The following MYL6 variants were observed in gnomAD, a reference collection of about 807,000 sequenced individuals.
MYL6 encodes the protein myosin light polypeptide 6.
Under a neutral mutation model 20.3 loss-of-function variants are expected in MYL6, and 20 were observed. The observed-to-expected ratio is 0.98, with a 90% CI of 0.69 to 1.43. The LOEUF (loss-of-function observed/expected upper bound fraction) is 1.43. Ranked by LOEUF, MYL6 falls within the 40% of genes most tolerant of loss-of-function variation. The probability of loss-of-function intolerance (pLI) is 0.00; values close to 1 mark genes in which losing one functional copy is unlikely to be tolerated. For missense variants in MYL6, 164 were observed against 191.0 expected, an observed-to-expected ratio of 0.86 and a Z score of 0.83; for synonymous variants, 77 against 72.4, an observed-to-expected ratio of 1.06 and a Z score of -0.32.
chr12:56,160,031 G>C lies in MYL6; in HGVS notation c.232G>C (p.Ala78Pro). The C allele has an allele frequency of 6.2e-7, 1 of 1,614,096 alleles. No homozygotes were observed. Among genetic ancestry groups the C allele is most frequent in the South Asian group, 1.1e-5 (1 of 91,076 alleles). Residue 78 changes from alanine to proline, a missense_variant, in exon 4 of 7, where the codon GCC (alanine) becomes CCC (proline). Physicochemically the swap from Ala to Pro is conservative, Grantham distance 27. Transcript: ENST00000550697. ...CTTTCTGCCCATGCTGCAGACAGTGGCCAAGAACAAGGACCAGGGCACCTA... is the reference window on the plus strand; with the variant it reads ...CTTTCTGCCCATGCTGCAGACAGTGCCCAAGAACAAGGACCAGGGCACCTA... ...EHFLPMLQTVAKNKDQGTYED... is the reference protein window; with the variant it reads ...EHFLPMLQTVPKNKDQGTYED...
At chr12:56,159,449 T>C in intron 2 of MYL6, 138 bp from the exon 3 acceptor site, 1 of 1,179,164 alleles carries the variant, frequency 8.5e-7, no homozygotes, top group Non-Finnish European at 1.2e-6. Context: ...TAGAGCCCTC[T>C]TAAGTAGACT....
In MYL6 at chr12:56,160,158, T is replaced by C. The variant is rs765622644; in HGVS notation, c.349+10T>C. The C allele has an allele frequency of 1.9e-6, 3 of 1,613,760 alleles. No homozygotes were observed. Among genetic ancestry groups the C allele is most frequent in the African/African-American group, 2.7e-5 (2 of 74,952 alleles). On this transcript the variant is annotated intron_variant, in intron 4 of 6. Transcript: ENST00000550697. ...GTTCTTGTCACACTGGGTAAGGTTC[T>C]GTGTCCTTGTCCTTGAGCTGAGATG... is the stretch of plus-strand genomic sequence containing the variant.
chr12:56,159,024 C>CTAAA, intron 2 of MYL6: 1 of 1,010,164 alleles, frequency 9.9e-7, no homozygotes, highest in Non-Finnish European at 1.3e-6. Flanking sequence ...TTCCTTTGTC[C>CTAAA]TTTAATCAGC....
At chr12:56,161,192 C>T (rs1243316998) in intron 6 of MYL6, 195 bp from the exon 7 acceptor site, 13 of 648,474 alleles carry the variant, frequency 2.0e-5, no homozygotes, top group Non-Finnish European at 3.6e-5. Context: ...GGGGGACTAA[C>T]AGCTGCTGGG....
chr12:56,158,875 T>G, intron 2 of MYL6, 164 bp downstream of exon 2: 1 of 1,462,278 alleles, frequency 6.8e-7, no homozygotes. Flanking sequence ...TTTTCTCACT[T>G]TCTTCCTCCC....
At chr12:56,159,455 A>G in intron 2 of MYL6, 132 bp from the exon 3 acceptor site, 1 of 1,224,876 alleles carries the variant, frequency 8.2e-7, no homozygotes, top group Non-Finnish European at 1.1e-6. Flanking sequence ...CCTCTTAAGT[A>G]GACTTTGGTG....
chr12:56,161,450 C>T lies in MYL6; in HGVS notation c.*80C>T, dbSNP rs762903906. ...CAGTCTCCCCAGAGTCCGTGCCTTT[C>T]CCTGTGTGAATTTTGTATCTAGCCT... On this transcript the variant is annotated 3_prime_UTR_variant, in exon 7 of 7. Transcript: ENST00000550697. The T allele has an allele frequency of 1.2e-5, 20 of 1,612,780 alleles. No homozygotes were observed. In the East Asian group the frequency reaches 1.6e-4, roughly 13 times the overall value.
chr12:56,159,813 C>T, intron 3 of MYL6, 83 bp downstream of exon 3: 1 of 1,544,474 alleles, frequency 6.5e-7, no homozygotes, highest in South Asian at 1.2e-5. Flanking sequence ...TCTTCATAGG[C>T]CCCAAACTCA....
intron 5 of MYL6, 127 bp downstream of exon 5, chr12:56,160,447 T>TGCCCA (rs1239872007): frequency 8.2e-6 from 12 of 1,467,488 alleles, no homozygotes; most frequent in East Asian, 4.5e-5. Flanking sequence ...TGCAGGGCCC[T>TGCCCA]GCCCAGCCCA....
intron 2 of MYL6, 94 bp downstream of exon 2, chr12:56,158,805 T>A: frequency 1.3e-6 from 2 of 1,582,372 alleles, no homozygotes; most frequent in Non-Finnish European, 1.7e-6. Flanking sequence ...GTCATCTCTT[T>A]AGCACCCCCA....
rs1871615102 is a variant in MYL6 at position 56,159,893 on chromosome 12, T to C, written c.176-82T>C. On this transcript the variant is annotated intron_variant, in intron 3 of 6. Transcript: ENST00000550697. ...TGGGGAGTCATCTGTCATCTCTCTG[T>C]TCAGTTGAGGTCTCTATAATCCCCT... The C allele has an allele frequency of 3.3e-6, 5 of 1,535,236 alleles. No individual in the cohort carries two copies. In the Admixed American group the frequency reaches 8.3e-5, roughly 26 times the overall value.
chr12:56,160,569 C>T (rs1871706684), intron 5 of MYL6, 57 bp from the exon 6 acceptor site: 5 of 1,583,328 alleles, frequency 3.2e-6, no homozygotes, highest in African/African-American at 1.3e-5. Flanking sequence ...CACTGCCTGA[C>T]CCCTCACCCC....
At chr12:56,159,798 C>T (rs1373086614) in intron 3 of MYL6, 68 bp downstream of exon 3, 1 of 1,560,786 alleles carries the variant, frequency 6.4e-7, no homozygotes, top group African/African-American at 1.4e-5. Context: ...AAGAGCTTCC[C>T]TTTATCTTCA....
chr12:56,160,552 C>G, intron 5 of MYL6, 74 bp from the exon 6 acceptor site: 1 of 1,513,482 alleles, frequency 6.6e-7, no homozygotes, highest in Middle Eastern at 1.7e-4. Flanking sequence ...AATGGAATGT[C>G]TGTCCCCACT....
chr12:56,160,438 G>A, intron 5 of MYL6, 118 bp downstream of exon 5: 3 of 1,490,760 alleles, frequency 2.0e-6, no homozygotes, highest in Non-Finnish European at 2.8e-6. Flanking sequence ...GAGGCAAGGT[G>A]CAGGGCCCTG....
chr12:56,159,968 A>G lies in MYL6; in HGVS notation c.176-7A>G. The G allele has an allele frequency of 6.2e-7, 1 of 1,609,042 alleles. No individual in the cohort carries two copies. Among genetic ancestry groups the G allele is most frequent in the East Asian group, 2.2e-5 (1 of 44,872 alleles). On this transcript the variant is annotated splice_region_variant and splice_polypyrimidine_tract_variant and intron_variant, in intron 3 of 6. Coordinates refer to ENST00000550697, the MANE Select transcript of MYL6 (RefSeq NM_021019.5). Reference sequence around the variant, plus strand: ...CTGGCCTGACACTTCCACCTCCTTTATGGCAGAGATGAATGTGAAGGTGCT... The same window carrying G: ...CTGGCCTGACACTTCCACCTCCTTTGTGGCAGAGATGAATGTGAAGGTGCT...
At position 56,160,245 on chromosome 12, in the gene MYL6, GAGA is replaced by G. The variant is rs1353757564; in HGVS notation, c.356_358del (p.Lys119del). ...AAATGCTTTCTTTCCCCCTGCAGGT[GAGA>G]AGATGACAGAGGAAGAAGTAGAGAT... On this transcript the variant is annotated inframe_deletion, in exon 5 of 7. Transcript: ENST00000550697. 8 of 1,614,240 alleles carry G rather than the reference GAGA, an allele frequency of 5.0e-6. No individual in the cohort carries two copies. Among genetic ancestry groups the G allele is most frequent in the Non-Finnish European group, 5.1e-6 (6 of 1,180,042 alleles).
intron 2 of MYL6, chr12:56,158,971 T>G: frequency 7.2e-7 from 1 of 1,384,840 alleles, no homozygotes; most frequent in African/African-American, 1.5e-5. Context: ...ACTTAATGCC[T>G]GCTGTGTGTG....
In MYL6 at chr12:56,160,300, A is replaced by G; in HGVS notation, c.407A>G (p.Asn136Ser). ...CTGGTGGCAGGGCATGAGGACAGCA[A>G]TGGTTGTATCAACTATGAAGGTAAG... ...EMLVAGHEDS[N>S]GCINYEAFVR... Residue 136 changes from asparagine to serine, a missense_variant, in exon 5 of 7, where the codon AAT becomes AGT. Transcript: ENST00000550697. The G allele has an allele frequency of 2.5e-6, 4 of 1,614,228 alleles. No individual in the cohort carries two copies. The highest frequency in any genetic ancestry group is 1.1e-5 in the South Asian group (1 of 91,084).
Sources: gnomAD v4.1 joint callset for allele counts on GRCh38, gnomAD v4.1.1 for gene constraint, MANE v1.5 for transcripts, NCBI Gene and HGNC (gene_info 2026-07-23, HGNC 2026-07-21) for gene names.